The following RYR2 variants were observed in gnomAD, a reference collection of about 807,000 sequenced individuals.
RYR2 encodes cardiac muscle ryanodine receptor-calcium release channel.
In RYR2, 227 loss-of-function variants were observed where a neutral mutation model predicts 601.1. That is an observed-to-expected ratio of 0.38 (90% CI 0.34 to 0.42). The LOEUF (loss-of-function observed/expected upper bound fraction) is 0.42. Ranked by LOEUF, RYR2 falls within the 10% of genes least tolerant of loss-of-function variation. RYR2 has a pLI of 1.00. For synonymous variants in RYR2, 2,223 were observed against 2,175.1 expected (o/e 1.02, Z -0.61); for missense variants, 4,646 against 6,156.5 (o/e 0.75, Z 8.21).
intron 17 of RYR2, among the ~76,000 whole-genome samples, chr1:237,477,620 C>A (rs10495395): frequency 0.033 from 4,997 of 152,204 alleles, 284 homozygotes; most frequent in African/African-American, 0.11. Flanking sequence ...TTTAGCATCA[C>A]CCTTGGTCAA....
chr1:237,117,331 A>G (rs1267192874), intron 1 of RYR2, among the ~76,000 whole-genome samples: 6 of 152,094 alleles, frequency 3.9e-5, no homozygotes, highest in Non-Finnish European at 8.8e-5. Context: ...ACGCTAAGGG[A>G]TTCTGACCCA....
intron 67 of RYR2, among the ~76,000 whole-genome samples, chr1:237,706,217 C>G (rs1013905924): frequency 1.3e-5 from 2 of 152,072 alleles, no homozygotes; most frequent in African/African-American, 4.8e-5. Flanking sequence ...CCACTGCACT[C>G]CAGCCTGGCA....
intron 6 of RYR2, 88 bp downstream of exon 6, chr1:237,369,696 G>A (rs534251203): frequency 1.5e-4 from 150 of 1,021,110 alleles, no homozygotes; most frequent in Non-Finnish European, 2.1e-4. Context: ...CATCATTTCT[G>A]CAATGGTATT....
intron 27 of RYR2, among the ~76,000 whole-genome samples, chr1:237,562,792 A>T (rs979663842): frequency 2.0e-5 from 3 of 152,192 alleles, no homozygotes; most frequent in Non-Finnish European, 4.4e-5. Flanking sequence ...AGCAAAGCAT[A>T]AGGATGTTCG....
chr1:237,214,212 T>A (rs1165381583), intron 1 of RYR2, among the ~76,000 whole-genome samples: 5 of 152,182 alleles, frequency 3.3e-5, no homozygotes. Context: ...TGAGCCATTG[T>A]GTCTGGCCCT....
chr1:237,631,613 A>ATTTTTTTTTTTTTTTTTTTTTTTTTTTT (rs556269614), intron 42 of RYR2, 72 bp downstream of exon 42: 2 of 191,280 alleles, frequency 1.0e-5, no homozygotes, highest in African/African-American at 1.4e-4. Flanking sequence ...TAGAATGCAG[A>ATTTTTTTTTTTTTTTTTTTTTTTTTTTT]TTTTTTTTTT....
intron 1 of RYR2, among the ~76,000 whole-genome samples, chr1:237,072,735 T>G (rs1168153754): frequency 6.6e-6 from 1 of 152,018 alleles, no homozygotes; most frequent in Non-Finnish European, 1.5e-5. Context: ...TTACATGAAG[T>G]CAGGAGTTCG....
At chr1:237,604,240 A>G (rs1377742906) in intron 35 of RYR2, among the ~76,000 whole-genome samples, 1 of 152,240 alleles carries the variant, frequency 6.6e-6, no homozygotes, top group Non-Finnish European at 1.5e-5. Context: ...CCACAGTGCA[A>G]TCAAACTAGA....
rs528865628 is a variant in RYR2 at position 237,635,236 on chromosome 1, A to C, written c.6792+244A>C. The stretch of plus-strand genomic sequence containing the variant: ...ATATTACATTGTATATAATTCTACT[A>C]TACATTATATTGTAGTTAGAAGTTA... On this transcript the variant is annotated intron_variant, in intron 44 of 104. Transcript: ENST00000366574. Among the ~76,000 whole-genome samples the C allele has an allele frequency of 2.0e-5, 3 of 152,320 alleles. No individual in the cohort carries two copies. The South Asian group carries it at 6.2e-4, about 32-fold the overall frequency.
At chr1:237,333,350 A>T (rs1380617761) in intron 3 of RYR2, among the ~76,000 whole-genome samples, 1 of 152,248 alleles carries the variant, frequency 6.6e-6, no homozygotes, top group Non-Finnish European at 1.5e-5. Context: ...ATTTTTGATT[A>T]TACCCAGAAA....
chr1:237,697,417 AT>A (rs915247382), intron 63 of RYR2, among the ~76,000 whole-genome samples: 1 of 142,294 alleles, frequency 7.0e-6, no homozygotes, highest in African/African-American at 2.6e-5. Context: ...ATATAATTAT[AT>A]CATATATAAT....
intron 10 of RYR2, among the ~76,000 whole-genome samples, chr1:237,407,082 C>A (rs1703973231): frequency 6.6e-6 from 1 of 152,174 alleles, no homozygotes; most frequent in African/African-American, 2.4e-5. Flanking sequence ...TAGTTGGAAT[C>A]ATATAGTTAT....
intron 2 of RYR2, among the ~76,000 whole-genome samples, chr1:237,320,884 G>A (rs74507878): frequency 1.4e-4 from 21 of 152,014 alleles, no homozygotes; most frequent in Non-Finnish European, 2.2e-4. Context: ...AGCCAAAGTC[G>A]TGGAGTATGG....
rs1558381908 is a variant in RYR2, at chr1:237,772,097, T to G, written c.11643T>G (p.Val3881=). Residue 3881 remains valine, a synonymous_variant, in exon 86 of 105, where the codon GTT becomes GTG. Transcript: ENST00000366574. The part of the protein sequence containing the change: ...IISTVDYLLR[V]QESISDFYWY... ...CCACTGTAGACTACCTACTGAGAGT[T>G]CAGGTATGTTGCTTTCCATATTAGT... 2 of 1,490,984 alleles carry G rather than the reference T, an allele frequency of 1.3e-6. No homozygotes were observed. 92.4% of individuals were successfully genotyped at this position (1,490,984 alleles called of 1,614,324 possible). A position where few individuals can be genotyped will look rare whatever the true frequency, so the allele number is the denominator to read the frequency against.
At chr1:237,517,101 C>T (rs145695753) in intron 24 of RYR2, among the ~76,000 whole-genome samples, 2 of 152,178 alleles carry the variant, frequency 1.3e-5, no homozygotes, top group African/African-American at 4.8e-5. Flanking sequence ...ATGCCTTGCA[C>T]CACTCTTTGC....
rs536385726 is a variant in RYR2, at chr1:237,809,559, C to T, written c.14433+524C>T. Among the ~76,000 whole-genome samples the T allele has an allele frequency of 6.2e-4, 94 of 152,130 alleles. 1 individual carries two copies. The highest frequency in any genetic ancestry group is 1.2e-3 in the Non-Finnish European group (79 of 68,034). ...TTTATATCGCTGTTCTACAACCTGTCTCTCTAATATTGGCAGCTGAGAGGT... is the reference window on the plus strand; with the variant it reads ...TTTATATCGCTGTTCTACAACCTGTTTCTCTAATATTGGCAGCTGAGAGGT... On this transcript the variant is annotated intron_variant, in intron 100 of 104. Transcript: ENST00000366574.
In RYR2 at chr1:237,474,620, G is replaced by A. The variant is rs75762483; in HGVS notation, c.1708+5433G>A. Among the ~76,000 whole-genome samples, 25 of 152,092 alleles carry A rather than the reference G, an allele frequency of 1.6e-4. No homozygotes were observed. The East Asian group carries it at 2.7e-3, about 17-fold the overall frequency. On this transcript the variant is annotated intron_variant, in intron 17 of 104. Coordinates refer to ENST00000366574, the MANE Select transcript of RYR2 (RefSeq NM_001035.3). ...AAATCTTAACCTCACTTAAAACTGC[G>A]GGTGCCCATGTTGCCCCATTCTGGC...
intron 10 of RYR2, among the ~76,000 whole-genome samples, chr1:237,392,281 C>T (rs1339001155): frequency 2.0e-5 from 3 of 151,922 alleles, no homozygotes; most frequent in Admixed American, 6.6e-5. Context: ...CTATAGCCAA[C>T]AATAAATTTA....
chr1:237,284,380 CAA>C (rs112378780), intron 2 of RYR2, among the ~76,000 whole-genome samples: 92 of 127,086 alleles, frequency 7.2e-4, no homozygotes, highest in South Asian at 3.8e-3. Context: ...GACTCCATCT[CAA>C]AAAAAAAAAA....
Sources: gnomAD v4.1 joint callset for allele counts (sites outside exome capture counted in the v4.1 genomes callset) on GRCh38, gnomAD v4.1.1 for gene constraint, MANE v1.5 for transcripts, NCBI Gene and HGNC (gene_info 2026-07-23, HGNC 2026-07-21) for gene names.